The following TRDN variants were observed in gnomAD, a reference collection of about 807,000 sequenced individuals.
TRDN encodes the protein triadin in skeletal muscle.
In TRDN, 161 loss-of-function variants were observed where a neutral mutation model predicts 149.7. The ratio of observed to expected loss-of-function variants is 1.08; its 90% confidence interval spans 0.95 to 1.23. The LOEUF (loss-of-function observed/expected upper bound fraction) is 1.23. TRDN is among the 50% of genes most tolerant of loss of function. TRDN has a pLI of 0.00. For missense variants in TRDN, 896 were observed against 823.5 expected (o/e 1.09, Z -1.08); for synonymous variants, 294 against 250.5 (o/e 1.17, Z -1.64).
intron 5 of TRDN, among the ~76,000 whole-genome samples, chr6:123,527,791 AT>A (rs1420861196): frequency 2.6e-5 from 4 of 151,820 alleles, no homozygotes; most frequent in Admixed American, 6.6e-5. Flanking sequence ...ATAAAATAAA[AT>A]AAATTTCTAC....
At chr6:123,362,848 G>A (rs981786263) in intron 20 of TRDN, among the ~76,000 whole-genome samples, 49 of 151,908 alleles carry the variant, frequency 3.2e-4, no homozygotes, top group African/African-American at 9.7e-4. Flanking sequence ...AATTTTTCTC[G>A]ATTTTTCATA....
At chr6:123,498,327 C>G in intron 8 of TRDN, 1 of 276,400 alleles carries the variant, frequency 3.6e-6, no homozygotes. Flanking sequence ...AAATCTCGTT[C>G]TTTTTAGAGT....
chr6:123,558,706 C>A (rs1781812220), intron 2 of TRDN, among the ~76,000 whole-genome samples: 1 of 152,270 alleles, frequency 6.6e-6, no homozygotes, highest in East Asian at 1.9e-4. Flanking sequence ...AGCCCTCAAA[C>A]CCCACAACAG....
intron 10 of TRDN, among the ~76,000 whole-genome samples, chr6:123,455,193 T>A (rs1369102654): frequency 6.6e-6 from 1 of 152,218 alleles, no homozygotes; most frequent in Non-Finnish European, 1.5e-5. Context: ...GAAAGATTAT[T>A]CAATACATTT....
intron 1 of TRDN, among the ~76,000 whole-genome samples, chr6:123,582,310 TGG>T (rs1783162001): frequency 6.6e-6 from 1 of 152,048 alleles, no homozygotes; most frequent in Admixed American, 6.6e-5. Flanking sequence ...CAGGTGTGTC[TGG>T]GTTAAGATAA....
Position 123,289,020 on chromosome 6 carries a change from T to G in TRDN, c.1511-9938A>C, listed in dbSNP as rs998786213. 4.2e-4 allele frequency among the ~76,000 whole-genome samples: 62 copies of G among 148,456 alleles called. 1 individual carries two copies. The highest frequency in any genetic ancestry group is 1.4e-3 in the African/African-American group (57 of 40,524). On this transcript the variant is annotated intron_variant, in intron 24 of 40. Transcript: ENST00000334268. Reference sequence around the variant, plus strand: ...TATGGATTTAAAAATGTGGGGGGTGTGTGTGTGTGTGTGTGTGTATATATA... The same window carrying G: ...TATGGATTTAAAAATGTGGGGGGTGGGTGTGTGTGTGTGTGTGTATATATA...
Position 123,497,205 on chromosome 6 carries a change from C to T in TRDN, c.841G>A (p.Asp281Asn). 7 of 1,554,282 alleles carry T rather than the reference C, an allele frequency of 4.5e-6. No individual in the cohort carries two copies. The highest frequency in any genetic ancestry group is 6.1e-6 in the Non-Finnish European group (7 of 1,151,172). Reference sequence around the variant, plus strand: ...TTGCTTGGAATACCTGGTTTTAAATCCCCATGGACAAATATGTCAATCATA... The same window carrying T: ...TTGCTTGGAATACCTGGTTTTAAATTCCCATGGACAAATATGTCAATCATA... ...RYMIDIFVHG[D>N]LKPGQSPAIP... The change falls in exon 9 of 41, where the codon GAT becomes AAT. Residue 281 changes from aspartate to asparagine, a missense_variant. Transcript: ENST00000334268.
In TRDN at chr6:123,494,738, C is replaced by CT. The variant is rs1448588921; in HGVS notation, c.853+2454dup. Reference sequence around the variant, plus strand: ...AGCACTCCTTTGACCTAAAATTGAACTTTTTGTTTTTTTGAGATGGAGTCT... The same window carrying CT: ...AGCACTCCTTTGACCTAAAATTGAACTTTTTTGTTTTTTTGAGATGGAGTCT... On this transcript the variant is annotated intron_variant, in intron 9 of 40. Transcript: ENST00000334268. 5.9e-5 allele frequency among the ~76,000 whole-genome samples: 9 copies of CT among 152,002 alleles called. No homozygotes were observed. In the East Asian group the frequency reaches 1.7e-3, roughly 30 times the overall value.
At chr6:123,230,597 T>C (rs1399581241) in intron 38 of TRDN, among the ~76,000 whole-genome samples, 2 of 151,628 alleles carry the variant, frequency 1.3e-5, no homozygotes, top group Admixed American at 6.6e-5. Flanking sequence ...ATTTGGATAA[T>C]TGGAATATAT....
At chr6:123,364,647 A>C (rs527478289) in intron 20 of TRDN, among the ~76,000 whole-genome samples, 7 of 152,348 alleles carry the variant, frequency 4.6e-5, no homozygotes, top group Non-Finnish European at 1.0e-4. Flanking sequence ...ACTGTCTCAA[A>C]AAATTAAAAA....
chr6:123,381,209 C>A (rs972250368), intron 16 of TRDN, among the ~76,000 whole-genome samples, 161 bp downstream of exon 16: 1 of 152,016 alleles, frequency 6.6e-6, no homozygotes, highest in African/African-American at 2.4e-5. Context: ...TCCACTCTAA[C>A]CCCCAGACTG....
Position 123,318,400 on chromosome 6 carries a change from T to C in TRDN, c.1472-1905A>G, listed in dbSNP as rs1365268831. 7.2e-5 allele frequency among the ~76,000 whole-genome samples: 11 copies of C among 152,032 alleles called. No individual in the cohort carries two copies. The Admixed American group carries it at 7.2e-4, about 10-fold the overall frequency. ...ATCCCCATTTGGTAGATGAAGTGAC[T>C]GAAACTTACGGAAGTTAGTTTGCGG... On this transcript the variant is annotated intron_variant, in intron 23 of 40. Transcript: ENST00000334268.
chr6:123,623,523 C>T (rs11967391), intron 1 of TRDN, among the ~76,000 whole-genome samples: 37,280 of 151,682 alleles, frequency 0.25, 4,711 homozygotes, highest in East Asian at 0.43. Context: ...TAGGGAAGAT[C>T]GTTGCAACAA....
intron 26 of TRDN, among the ~76,000 whole-genome samples, chr6:123,275,993 C>T (rs1031379305): frequency 6.6e-6 from 1 of 152,082 alleles, no homozygotes; most frequent in Non-Finnish European, 1.5e-5. Flanking sequence ...TTACTGTGTC[C>T]TTCAGAGAGA....
At chr6:123,490,557 G>T (rs762312054) in intron 9 of TRDN, among the ~76,000 whole-genome samples, 9 of 152,130 alleles carry the variant, frequency 5.9e-5, no homozygotes, top group Non-Finnish European at 1.2e-4. Flanking sequence ...GGACACGACT[G>T]TATTCTCATC....
chr6:123,279,203 C>A, intron 24 of TRDN, 121 bp from the exon 25 acceptor site: 1 of 772,698 alleles, frequency 1.3e-6, no homozygotes, highest in South Asian at 2.6e-5. Context: ...CCCACCTATC[C>A]TTTTTTGTTG....
chr6:123,260,968 T>C (rs1337792854), intron 33 of TRDN, among the ~76,000 whole-genome samples: 1 of 151,766 alleles, frequency 6.6e-6, no homozygotes, highest in African/African-American at 2.4e-5. Flanking sequence ...ATTAATTTAG[T>C]GTGTGCATTT....
intron 1 of TRDN, 98 bp downstream of exon 1, chr6:123,636,656 A>T: frequency 6.9e-7 from 1 of 1,449,168 alleles, no homozygotes; most frequent in Non-Finnish European, 9.6e-7. Context: ...CAATTACCTT[A>T]AAGCAACATT....
chr6:123,457,340 A>T (rs1452004108), intron 10 of TRDN, among the ~76,000 whole-genome samples: 1 of 152,220 alleles, frequency 6.6e-6, no homozygotes, highest in African/African-American at 2.4e-5. Flanking sequence ...TGGCAGCTGT[A>T]GAGGGTAAGA....
Sources: allele counts gnomAD v4.1 joint callset (sites outside exome capture counted in the v4.1 genomes callset), GRCh38; gene constraint gnomAD v4.1.1; transcripts MANE v1.5; gene names NCBI Gene and HGNC (gene_info 2026-07-23, HGNC 2026-07-21).